ZNF292: variants seen among roughly 807,000 people sequenced by gnomAD.
The protein encoded by ZNF292 is 16 zinc-finger domain protein.
In ZNF292, 26 loss-of-function variants were observed where a neutral mutation model predicts 217.9. That is an observed-to-expected ratio of 0.12 (90% CI 0.09 to 0.17). The LOEUF (loss-of-function observed/expected upper bound fraction) is 0.17, where lower values mean the gene tolerates loss of function less well. ZNF292 is among the 10% of genes least tolerant of loss of function. The probability of loss-of-function intolerance (pLI) is 1.00; values close to 1 mark genes in which losing one functional copy is unlikely to be tolerated. For synonymous variants in ZNF292, 1,257 were observed against 1,124.1 expected (o/e 1.12, Z -2.37); for missense variants, 2,904 against 3,175.2 (o/e 0.91, Z 2.05).
Position 87,259,264 on chromosome 6 carries a change from G to T in ZNF292, c.5635G>T (p.Asp1879Tyr). The part of the protein sequence containing the change: ...LTPTPVKSTA[D>Y]ITVIQPVSEM... Reference sequence around the variant, plus strand: ...TCCCACGCCTGTTAAATCAACTGCAGATATCACAGTTATTCAGCCAGTTTC... The same window carrying T: ...TCCCACGCCTGTTAAATCAACTGCATATATCACAGTTATTCAGCCAGTTTC... The change falls in exon 8 of 8, where the codon GAT becomes TAT. Residue 1879 changes from aspartate (D) to tyrosine (Y), a missense_variant. By Grantham distance (160) the Asp-to-Tyr change is radical (BLOSUM62 -3). Around this residue, in one of 15 missense-constraint regions of ZNF292, gnomAD observed 622 missense variants for 573.1 expected, o/e 1.09. Coordinates refer to ENST00000369577, the MANE Select transcript of ZNF292 (RefSeq NM_015021.3). The T allele has an allele frequency of 2.5e-6, 4 of 1,613,650 alleles. No homozygotes were observed. Among genetic ancestry groups the T allele is most frequent in the Non-Finnish European group, 1.7e-6 (2 of 1,179,682 alleles).
At position 87,256,689 on chromosome 6, in the gene ZNF292, C is replaced by T. The variant is rs773552990; in HGVS notation, c.3060C>T (p.Asn1020=). The T allele has an allele frequency of 2.5e-6, 4 of 1,613,168 alleles. No individual in the cohort carries two copies. The highest frequency in any genetic ancestry group is 3.4e-6 in the Non-Finnish European group (4 of 1,179,812). Residue 1020 remains asparagine, a synonymous_variant, in exon 8 of 8, where the codon AAC becomes AAT. Transcript: ENST00000369577. ...TLKIGDLTPQ[N]LERQVNNLMT... ...AAATAGGTGACCTTACCCCACAAAA[C>T]TTAGAAAGACAAGTGAACAACTTGA...
chr6:87,217,747 A>T (rs146878412), intron 3 of ZNF292, among the ~76,000 whole-genome samples: 33 of 152,204 alleles, frequency 2.2e-4, no homozygotes, highest in African/African-American at 7.9e-4. Flanking sequence ...CTTTGTTGGA[A>T]TGGGAATATT....
chr6:87,169,064 A>G lies in ZNF292; in HGVS notation c.168+13305A>G, dbSNP rs537704461. Among the ~76,000 whole-genome samples the G allele has an allele frequency of 1.6e-3, 242 of 150,404 alleles. 1 individual carries two copies. The highest frequency in any genetic ancestry group is 3.4e-3 in the Middle Eastern group (1 of 292). On this transcript the variant is annotated intron_variant, in intron 1 of 7. Coordinates refer to ENST00000369577, the MANE Select transcript of ZNF292 (RefSeq NM_015021.3). ...TTTTTTTAATTTTTATTTTTTTGAG[A>G]CAGAGTCTTGCTCTGTTGCCCCAGC...
chr6:87,175,495 C>T (rs2127775259), intron 1 of ZNF292, among the ~76,000 whole-genome samples: 1 of 152,248 alleles, frequency 6.6e-6, no homozygotes, highest in South Asian at 2.1e-4. Flanking sequence ...ACCACCATGC[C>T]TGGCTAATTT....
At chr6:87,243,823 A>G (rs866001446) in intron 6 of ZNF292, among the ~76,000 whole-genome samples, 2 of 152,202 alleles carry the variant, frequency 1.3e-5, no homozygotes, top group African/African-American at 2.4e-5. Flanking sequence ...CTTAGCATGC[A>G]TACCAGGAAT....
chr6:87,236,563 C>G (rs1312803305), intron 5 of ZNF292, among the ~76,000 whole-genome samples: 2 of 152,008 alleles, frequency 1.3e-5, no homozygotes, highest in East Asian at 3.9e-4. Flanking sequence ...AGTTTAGATC[C>G]AATATTTCTA....
chr6:87,257,859 A>G lies in ZNF292; in HGVS notation c.4230A>G (p.Gln1410=). The G allele has an allele frequency of 1.2e-6, 2 of 1,613,890 alleles. No individual in the cohort carries two copies. The highest frequency in any genetic ancestry group is 1.7e-6 in the Non-Finnish European group (2 of 1,179,798). ...CKPLDGAEIA[Q]ELLQSNGQPS... ...CACTGGATGGAGCCGAAATTGCTCA[A>G]GAACTTCTACAGAGTAATGGACAGC... Residue 1410 remains glutamine (Q), a synonymous_variant, in exon 8 of 8, where the codon CAA becomes CAG. Transcript: ENST00000369577.
At chr6:87,215,861 G>T (rs1280222105) in intron 1 of ZNF292, 42 bp from the exon 2 acceptor site, 19 of 1,483,252 alleles carry the variant, frequency 1.3e-5, no homozygotes, top group Non-Finnish European at 1.7e-5. Flanking sequence ...TGTATATTTT[G>T]ATTTACATTT....
intron 1 of ZNF292, among the ~76,000 whole-genome samples, chr6:87,205,218 A>C (rs6913721): frequency 6.6e-6 from 1 of 151,714 alleles, no homozygotes; most frequent in Non-Finnish European, 1.5e-5. Context: ...GACTACAGAC[A>C]TGTGCCACTA....
At chr6:87,164,494 C>A (rs1483926059) in intron 1 of ZNF292, among the ~76,000 whole-genome samples, 2 of 152,136 alleles carry the variant, frequency 1.3e-5, no homozygotes, top group African/African-American at 4.8e-5. Context: ...TCTTTAGGGA[C>A]CATTTCTATA....
At chr6:87,240,070 C>G (rs1405874919) in intron 5 of ZNF292, among the ~76,000 whole-genome samples, 1 of 152,138 alleles carries the variant, frequency 6.6e-6, no homozygotes, top group Non-Finnish European at 1.5e-5. Context: ...ACATTGAGCA[C>G]TGAGTGAACG....
chr6:87,196,330 C>G (rs534851646), intron 1 of ZNF292, among the ~76,000 whole-genome samples: 8 of 152,238 alleles, frequency 5.3e-5, no homozygotes, highest in South Asian at 2.1e-4. Context: ...TTTCCAATTC[C>G]ACTTTCAGCA....
rs890386652 is a variant in ZNF292 at position 87,257,477 on chromosome 6, C to T, written c.3848C>T (p.Thr1283Ile). Residue 1283 changes from threonine to isoleucine, a missense_variant, in exon 8 of 8, where the codon ACT becomes ATT. Physicochemically the swap from Thr to Ile is moderately conservative, Grantham distance 89 (BLOSUM62 -1). Around this residue, in one of 15 missense-constraint regions of ZNF292, gnomAD observed 687 missense variants for 623.0 expected, o/e 1.10. Transcript: ENST00000369577. The part of the protein sequence containing the change: ...SLFPSPADSG[T>I]NSVFSQLENN... ...TTCCCTTCACCAGCAGATAGTGGGA[C>T]TAATTCTGTTTTTTCCCAACTGGAA... The T allele has an allele frequency of 1.2e-6, 2 of 1,612,672 alleles. No homozygotes were observed. The highest frequency in any genetic ancestry group is 1.7e-6 in the Non-Finnish European group (2 of 1,179,442).
In ZNF292 at chr6:87,261,946, A is replaced by T; in HGVS notation, c.*145A>T. The T allele has an allele frequency of 1.8e-6, 1 of 563,430 alleles. No individual in the cohort carries two copies. Among genetic ancestry groups the T allele is most frequent in the South Asian group, 4.5e-5 (1 of 22,316 alleles). The allele number at this position is 563,430 out of a possible 1,614,324, so 34.9% of individuals were successfully genotyped here. ...CAAAAACAAAAAAGAAAAAAAAAAC[A>T]TGACATTTGTCATGTAAAACTTTTT... is the stretch of plus-strand genomic sequence containing the variant. On this transcript the variant is annotated 3_prime_UTR_variant, in exon 8 of 8. Coordinates refer to ENST00000369577, the MANE Select transcript of ZNF292 (RefSeq NM_015021.3).
intron 1 of ZNF292, among the ~76,000 whole-genome samples, chr6:87,165,132 A>G (rs1262147146): frequency 1.3e-5 from 2 of 152,128 alleles, no homozygotes; most frequent in African/African-American, 4.8e-5. Flanking sequence ...GTTGTGTTAC[A>G]TTATCTCTAC....
intron 1 of ZNF292, among the ~76,000 whole-genome samples, chr6:87,198,587 C>G (rs1772026670): frequency 6.6e-6 from 1 of 152,116 alleles, no homozygotes; most frequent in African/African-American, 2.4e-5. Context: ...ATGGATGAGA[C>G]TTAAAATAGG....
intron 1 of ZNF292, among the ~76,000 whole-genome samples, chr6:87,210,122 C>A (rs917107733): frequency 2.0e-5 from 3 of 152,084 alleles, no homozygotes; most frequent in African/African-American, 7.2e-5. Flanking sequence ...AGAAGTTAAT[C>A]TATACTCTTT....
At chr6:87,250,851 C>T (rs751242572) in intron 7 of ZNF292, among the ~76,000 whole-genome samples, 3 of 152,118 alleles carry the variant, frequency 2.0e-5, no homozygotes, top group Non-Finnish European at 4.4e-5. Context: ...TACATCCCTG[C>T]CTTTAAGGAT....
intron 1 of ZNF292, among the ~76,000 whole-genome samples, chr6:87,166,761 C>T (rs1257113938): frequency 6.6e-6 from 1 of 152,178 alleles, no homozygotes; most frequent in Non-Finnish European, 1.5e-5. Context: ...ATACATGAGT[C>T]ATAAATATGT....
Sources: gnomAD v4.1 joint callset for allele counts (sites outside exome capture counted in the v4.1 genomes callset) on GRCh38, gnomAD v4.1.1 for gene constraint, gnomAD v4.1.1 regional missense constraint, MANE v1.5 for transcripts, NCBI Gene and HGNC (gene_info 2026-07-23, HGNC 2026-07-21) for gene names.